Variants in LMX1B observed in about 807,000 individuals in gnomAD.
The protein encoded by LMX1B is LIM homeobox transcription factor 1 beta.
Under a neutral mutation model 51.4 loss-of-function variants are expected in LMX1B, and 12 were observed. The ratio of observed to expected loss-of-function variants is 0.23; its 90% CI spans 0.15 to 0.38. The LOEUF is 0.38. Among genes scored for constraint, LMX1B ranks in the 10% least tolerant of loss-of-function variants. The pLI is 1.00. For missense variants in LMX1B, 445 were observed against 571.1 expected (o/e 0.78, Z 2.25); for synonymous variants, 237 against 235.4 (o/e 1.01, Z -0.06).
intron 2 of LMX1B, among the ~76,000 whole-genome samples, chr9:126,682,299 C>G (rs1405950524): frequency 6.6e-6 from 1 of 151,926 alleles, no homozygotes; most frequent in Non-Finnish European, 1.5e-5. Flanking sequence ...ATACCATCCC[C>G]CAGGTGTCGG....
intron 2 of LMX1B, among the ~76,000 whole-genome samples, chr9:126,640,487 G>A (rs368565379): frequency 5.3e-4 from 80 of 152,340 alleles, no homozygotes; most frequent in African/African-American, 1.8e-3. Flanking sequence ...TTTGAGGGTG[G>A]GGGTGATTCT....
chr9:126,647,679 G>A (rs1221114240), intron 2 of LMX1B, among the ~76,000 whole-genome samples: 1 of 152,222 alleles, frequency 6.6e-6, no homozygotes, highest in African/African-American at 2.4e-5. Context: ...AGCCACGCAG[G>A]GAGGACCCTT....
intron 2 of LMX1B, among the ~76,000 whole-genome samples, chr9:126,643,358 T>G (rs1835841223): frequency 6.6e-6 from 1 of 152,022 alleles, no homozygotes; most frequent in African/African-American, 2.4e-5. Flanking sequence ...AACAGATGAA[T>G]GGGGATGGCA....
Position 126,625,253 on chromosome 9 carries a change from G to A in LMX1B, c.326+9684G>A, listed in dbSNP as rs993987176. Among the ~76,000 whole-genome samples, 1 of 152,246 alleles carries A rather than the reference G, an allele frequency of 6.6e-6. No individual in the cohort carries two copies. The highest frequency in any genetic ancestry group is 1.5e-5 in the Non-Finnish European group (1 of 68,054). ...CGAGCGCGCTTGGGCCTCAGGAGCC[G>A]GAGCGTTGCCGTGGGGGCGGGGGAA... On this transcript the variant is annotated intron_variant, in intron 2 of 7. Coordinates refer to ENST00000373474, the MANE Select transcript of LMX1B (RefSeq NM_001174147.2). This position sits in a 1 kb window ranked among gnomAD's most constrained non-coding sequence, Gnocchi z 5.3.
At chr9:126,684,948 G>A (rs1442135031) in intron 2 of LMX1B, among the ~76,000 whole-genome samples, 3 of 152,196 alleles carry the variant, frequency 2.0e-5, no homozygotes, top group Non-Finnish European at 4.4e-5. Flanking sequence ...ACCCCTAGGA[G>A]CAGAATACCT....
intron 2 of LMX1B, among the ~76,000 whole-genome samples, chr9:126,662,194 C>G (rs1458941832): frequency 6.6e-6 from 1 of 152,186 alleles, no homozygotes; most frequent in East Asian, 1.9e-4. Context: ...CTTCAGGTTT[C>G]TCGTCTGTAC....
At chr9:126,682,894 GAAAAAAAAAAAAA>G (rs577172677) in intron 2 of LMX1B, among the ~76,000 whole-genome samples, 6 of 86,140 alleles carry the variant, frequency 7.0e-5, no homozygotes, top group Non-Finnish European at 1.3e-4. Flanking sequence ...CACTCTGTCT[GAAAAAAAAAAAAA>G]AAAAAAAAGA....
intron 2 of LMX1B, among the ~76,000 whole-genome samples, chr9:126,674,023 C>T (rs1836509307): frequency 6.6e-6 from 1 of 152,130 alleles, no homozygotes; most frequent in African/African-American, 2.4e-5. Context: ...GCCTGCACTG[C>T]TATGTGCTTC....
chr9:126,692,752 C>T (rs2030176708), intron 3 of LMX1B, among the ~76,000 whole-genome samples: 1 of 152,266 alleles, frequency 6.6e-6, no homozygotes, highest in South Asian at 2.1e-4. Context: ...ACCGTGCGTG[C>T]ACCTGTCTGC....
Position 126,625,511 on chromosome 9 carries a change from G to C in LMX1B, c.326+9942G>C, listed in dbSNP as rs971563751. 6.6e-6 allele frequency among the ~76,000 whole-genome samples: 1 copy of C among 152,222 alleles called. No individual in the cohort carries two copies. The highest frequency in any genetic ancestry group is 2.4e-5 in the African/African-American group (1 of 41,460). On this transcript the variant is annotated intron_variant, in intron 2 of 7. Transcript: ENST00000373474. The surrounding 1 kb of genome is among the most constrained non-coding windows in gnomAD (Gnocchi z 5.3). ...GAGAGAGGCCGAATGGAGATGCCAG[G>C]CTGGGGCCCTCGGCGGGGCAGATTT...
rs1318092186 is a variant in LMX1B, at chr9:126,693,828, G to T, written c.886+16G>T. The T allele has an allele frequency of 8.5e-7, 1 of 1,177,788 alleles. No homozygotes were observed. The highest frequency in any genetic ancestry group is 1.2e-6 in the Non-Finnish European group (1 of 820,074). The allele number at this position is 1,177,788 out of a possible 1,614,324, so 73.0% of individuals were successfully genotyped here. On this transcript the variant is annotated intron_variant, in intron 6 of 7. Transcript: ENST00000373474. ...CTGGGCCAGGGTGAGCCGGGGCCGGGGCAGGGCCTGGGCCAGGGTGAGCTG... is the reference window on the plus strand; with the variant it reads ...CTGGGCCAGGGTGAGCCGGGGCCGGTGCAGGGCCTGGGCCAGGGTGAGCTG...
At chr9:126,675,810 G>A (rs1253159589) in intron 2 of LMX1B, among the ~76,000 whole-genome samples, 2 of 151,158 alleles carry the variant, frequency 1.3e-5, no homozygotes, top group Non-Finnish European at 1.5e-5. Flanking sequence ...AGCACTTTGG[G>A]AGGCCGAGGC....
chr9:126,670,762 C>T (rs1007513967), intron 2 of LMX1B, among the ~76,000 whole-genome samples: 3 of 152,158 alleles, frequency 2.0e-5, no homozygotes, highest in Admixed American at 2.0e-4. Flanking sequence ...TGACATTAAG[C>T]GAAACCACAG....
At chr9:126,637,738 G>A (rs749548780) in intron 2 of LMX1B, among the ~76,000 whole-genome samples, 3 of 151,986 alleles carry the variant, frequency 2.0e-5, no homozygotes, top group Non-Finnish European at 2.9e-5. Flanking sequence ...AGGTTTCGGC[G>A]GGAATTTCCT....
chr9:126,690,708 C>T, intron 2 of LMX1B, 128 bp from the exon 3 acceptor site: 1 of 763,262 alleles, frequency 1.3e-6, no homozygotes, highest in Admixed American at 2.2e-5. Context: ...ACCTGGTGCC[C>T]AAGGAGGGCC....
intron 2 of LMX1B, among the ~76,000 whole-genome samples, chr9:126,684,315 G>A (rs1172819208): frequency 6.6e-6 from 1 of 152,098 alleles, no homozygotes; most frequent in Non-Finnish European, 1.5e-5. Context: ...TGCAATTACG[G>A]GGCTTCAGAC....
At chr9:126,687,727 G>A (rs1403568013) in intron 2 of LMX1B, among the ~76,000 whole-genome samples, 1 of 152,138 alleles carries the variant, frequency 6.6e-6, no homozygotes, top group Admixed American at 6.5e-5. Flanking sequence ...TGAGGCTCGA[G>A]AAGAAAAATT....
At chr9:126,643,151 T>TG (rs1835838352) in intron 2 of LMX1B, among the ~76,000 whole-genome samples, 1 of 151,872 alleles carries the variant, frequency 6.6e-6, no homozygotes, top group Non-Finnish European at 1.5e-5. Context: ...TGTGCACAGC[T>TG]GGGGGCTAGG....
chr9:126,637,852 TG>T (rs1835741463), intron 2 of LMX1B, among the ~76,000 whole-genome samples: 1 of 108,272 alleles, frequency 9.2e-6, no homozygotes, highest in South Asian at 3.4e-4. Context: ...CTCTCTGTAC[TG>T]GGAACAGTAC....
Sources: gnomAD v4.1 joint callset for allele counts (sites outside exome capture counted in the v4.1 genomes callset) on GRCh38, gnomAD v4.1.1 for gene constraint, Gnocchi (gnomAD v3.1) non-coding constraint, MANE v1.5 for transcripts, NCBI Gene and HGNC (gene_info 2026-07-23, HGNC 2026-07-21) for gene names.